Variants in XIRP2 observed in about 807,000 individuals in gnomAD.
XIRP2 encodes xin actin-binding repeat-containing protein 2.
Under a neutral mutation model 277.0 loss-of-function variants are expected in XIRP2, and 236 were observed. The ratio of observed to expected loss-of-function variants is 0.85; its 90% CI spans 0.77 to 0.95. The LOEUF (loss-of-function observed/expected upper bound fraction) is 0.95. XIRP2 is among the 40% of genes least tolerant of loss of function. The pLI, the probability that XIRP2 is intolerant of heterozygous loss-of-function variation, is 0.00. For missense variants in XIRP2, 4,640 were observed against 4,157.5 expected, an observed-to-expected ratio of 1.12 and a Z score of -3.19; for synonymous variants, 1,490 against 1,416.5, an observed-to-expected ratio of 1.05 and a Z score of -1.17.
chr2:167,023,136 T>A (rs1020986172), intron 2 of XIRP2, among the ~76,000 whole-genome samples: 4 of 152,234 alleles, frequency 2.6e-5, no homozygotes, highest in African/African-American at 9.6e-5. Flanking sequence ...GACTTTTTAA[T>A]GATTGCCATT....
Position 167,259,321 on chromosome 2 carries a change from A to C in XIRP2, c.*1504A>C. On this transcript the variant is annotated 3_prime_UTR_variant, in exon 11 of 11. Coordinates refer to ENST00000409195, the MANE Select transcript of XIRP2 (RefSeq NM_152381.6). ...TGCAGTCAGAACAACTCACGGTGGA[A>C]GAGCAGATTAAAAGAAACAGGTGCT... is the stretch of plus-strand genomic sequence containing the variant. The C allele has an allele frequency of 6.2e-7, 1 of 1,611,756 alleles. No individual in the cohort carries two copies. Among genetic ancestry groups the C allele is most frequent in the Non-Finnish European group, 8.5e-7 (1 of 1,179,132 alleles).
intron 2 of XIRP2, among the ~76,000 whole-genome samples, chr2:166,947,603 TGTG>T (rs71996214): frequency 0.015 from 2,254 of 152,252 alleles, 48 homozygotes; most frequent in African/African-American, 0.051. Flanking sequence ...CACATTTTAG[TGTG>T]GTGTTCAAAA....
chr2:167,012,242 G>A (rs552447582), intron 2 of XIRP2, among the ~76,000 whole-genome samples: 1 of 151,992 alleles, frequency 6.6e-6, no homozygotes, highest in East Asian at 1.9e-4. Context: ...ATGTGTCCCA[G>A]AGATTCTGGT....
chr2:167,218,392 A>G (rs1404457703), intron 5 of XIRP2, 92 bp downstream of exon 5: 6 of 1,154,214 alleles, frequency 5.2e-6, no homozygotes, highest in Non-Finnish European at 4.5e-6. Context: ...TTAGTGATAC[A>G]TTTATTTTCA....
intron 3 of XIRP2, among the ~76,000 whole-genome samples, chr2:167,150,166 G>A (rs994557118): frequency 2.0e-5 from 3 of 151,884 alleles, no homozygotes; most frequent in African/African-American, 7.3e-5. Flanking sequence ...AAAATCGGTA[G>A]CACTACTAAT....
intron 3 of XIRP2, among the ~76,000 whole-genome samples, chr2:167,160,881 T>G (rs1692343430): frequency 1.3e-5 from 2 of 152,180 alleles, no homozygotes; most frequent in African/African-American, 4.8e-5. Flanking sequence ...GCAAGTTCCT[T>G]CCGCCTGTGA....
chr2:167,192,569 A>G (rs77663790), intron 3 of XIRP2, among the ~76,000 whole-genome samples: 2,090 of 152,322 alleles, frequency 0.014, 57 homozygotes, highest in African/African-American at 0.048. Context: ...TCTGGACTCA[A>G]GGGTCATATT....
intron 2 of XIRP2, among the ~76,000 whole-genome samples, chr2:167,021,899 A>G (rs913885517): frequency 1.2e-4 from 18 of 152,214 alleles, no homozygotes; most frequent in South Asian, 8.3e-4. Flanking sequence ...ATCTGTACAA[A>G]TTAGTATCAA....
intron 3 of XIRP2, among the ~76,000 whole-genome samples, chr2:167,149,999 G>GGTA (rs1181858638): frequency 6.6e-6 from 1 of 151,642 alleles, no homozygotes; most frequent in Non-Finnish European, 1.5e-5. Flanking sequence ...GAAAACGTGG[G>GGTA]GTACTATATT....
At chr2:167,170,816 A>G (rs1014777998) in intron 3 of XIRP2, among the ~76,000 whole-genome samples, 2 of 148,838 alleles carry the variant, frequency 1.3e-5, no homozygotes, top group African/African-American at 4.9e-5. Context: ...TCCTATTTCC[A>G]TTCTTCAACT....
chr2:166,961,983 T>C (rs1434226449), intron 2 of XIRP2, among the ~76,000 whole-genome samples: 2 of 151,656 alleles, frequency 1.3e-5, no homozygotes, highest in African/African-American at 2.4e-5. Flanking sequence ...AAGAATTGTG[T>C]TATGTACCTG....
In XIRP2 at chr2:167,248,751, G is replaced by A. The variant is rs202053466; in HGVS notation, c.7359G>A (p.Met2453Ile). ...AACTGGCAACCTCCCTGTCAGATAT[G>A]GAATGTAAAATTACTACCTCAAAGG... ...KVELATSLSD[M>I]ECKITTSKDQ... is the part of the protein sequence containing the mutation. Residue 2453 changes from methionine (M) to isoleucine (I), a missense_variant, in exon 9 of 11, where the codon ATG (methionine) becomes ATA (isoleucine). Physicochemically the swap from Met to Ile is conservative, Grantham distance 10. Coordinates refer to ENST00000409195, the MANE Select transcript of XIRP2 (RefSeq NM_152381.6). 33 of 1,613,536 alleles carry A rather than the reference G, an allele frequency of 2.0e-5. No individual in the cohort carries two copies. In the Admixed American group the frequency reaches 5.0e-4, roughly 24 times the overall value.
At chr2:166,889,342 C>T (rs1684039540) in intron 1 of XIRP2, among the ~76,000 whole-genome samples, 3 of 152,198 alleles carry the variant, frequency 2.0e-5, no homozygotes, top group South Asian at 4.1e-4. Context: ...CCAGACACCT[C>T]CCTAAACAAT....
intron 2 of XIRP2, among the ~76,000 whole-genome samples, chr2:167,087,649 C>T (rs983070022): frequency 2.0e-5 from 3 of 152,220 alleles, no homozygotes; most frequent in African/African-American, 7.2e-5. Flanking sequence ...TCGTGGTGTG[C>T]CGTTTTTTAA....
chr2:166,897,405 A>G (rs1684271608), intron 1 of XIRP2, among the ~76,000 whole-genome samples: 1 of 152,080 alleles, frequency 6.6e-6, no homozygotes, highest in African/African-American at 2.4e-5. Context: ...AATAGAGGGA[A>G]TGGTGGCATG....
Position 167,241,904 on chromosome 2 carries a change from G to A in XIRP2, c.1170G>A (p.Gln390=), listed in dbSNP as rs968607093. Residue 390 remains glutamine (Q), a synonymous_variant, in exon 8 of 11, where the codon CAG becomes CAA. Coordinates refer to ENST00000409195, the MANE Select transcript of XIRP2 (RefSeq NM_152381.6). ...AAGAGATGACAACCCCAGCCAAGCA[G>A]ATTAAGGTAAAGTCATTTCTTTACA... ...SDKEMTTPAK[Q]IKTESEYEET... The A allele has an allele frequency of 8.1e-6, 13 of 1,611,504 alleles. No homozygotes were observed. The highest frequency in any genetic ancestry group is 1.1e-5 in the Non-Finnish European group (13 of 1,179,004).
chr2:167,072,580 T>A (rs1689463136), intron 2 of XIRP2, among the ~76,000 whole-genome samples: 1 of 152,192 alleles, frequency 6.6e-6, no homozygotes, highest in Non-Finnish European at 1.5e-5. Flanking sequence ...TATATACGTC[T>A]ATATCCTCAA....
At chr2:166,909,363 A>T (rs891186610) in intron 2 of XIRP2, among the ~76,000 whole-genome samples, 5 of 152,088 alleles carry the variant, frequency 3.3e-5, no homozygotes, top group African/African-American at 1.2e-4. Context: ...TAAGTATTTT[A>T]TTCTCTTTGA....
rs963745621 is a variant in XIRP2 at position 167,249,945 on chromosome 2, G to C, written c.8553G>C (p.Lys2851Asn). ...HEHLKNKSAP[K>N]VVKQKVIDAH... ...ATCTGAAGAATAAATCAGCACCAAA[G>C]GTCGTCAAGCAAAAGGTTATCGATG... Residue 2851 changes from lysine to asparagine, a missense_variant, in exon 9 of 11, where the codon AAG (lysine) becomes AAC (asparagine). Coordinates refer to ENST00000409195, the MANE Select transcript of XIRP2 (RefSeq NM_152381.6). 3 of 1,613,402 alleles carry C rather than the reference G, an allele frequency of 1.9e-6. No individual in the cohort carries two copies. The South Asian group carries it at 3.3e-5, about 18-fold the overall frequency.
Sources: gnomAD v4.1 joint callset for allele counts (sites outside exome capture counted in the v4.1 genomes callset) on GRCh38, gnomAD v4.1.1 for gene constraint, MANE v1.5 for transcripts, NCBI Gene and HGNC (gene_info 2026-07-23, HGNC 2026-07-21) for gene names.